The following PCDHGA5 variants were observed in gnomAD, a reference collection of about 807,000 sequenced individuals.
The protein encoded by PCDHGA5 is protocadherin gamma-A5.
A neutral mutation model predicts 56.7 loss-of-function variants in PCDHGA5; 36 were observed. The observed-to-expected ratio is 0.64, with a 90% CI of 0.49 to 0.84. The LOEUF (loss-of-function observed/expected upper bound fraction) is 0.84. Ranked by LOEUF, PCDHGA5 falls within the 40% of genes least tolerant of loss-of-function variation. The pLI is 0.00. For synonymous variants in PCDHGA5, 563 were observed against 520.2 expected (o/e 1.08, Z -1.12); for missense variants, 1,305 against 1,201.5 (o/e 1.09, Z -1.27).
rs745778398 is a variant in PCDHGA5, at chr5:141,389,350, T to A, written c.2421+22599T>A. The A allele has an allele frequency of 1.6e-5, 26 of 1,613,964 alleles. No individual in the cohort carries two copies. Among genetic ancestry groups the A allele is most frequent in the Non-Finnish European group, 2.2e-5 (26 of 1,179,910 alleles). Reference sequence around the variant, plus strand: ...CCCAACGGCCAAGTCTCTTACTGCATCATGGCCAGTGACCTGGAGCAGCGG... The same window carrying A: ...CCCAACGGCCAAGTCTCTTACTGCAACATGGCCAGTGACCTGGAGCAGCGG... On this transcript the variant is annotated intron_variant, in intron 1 of 3. Coordinates refer to ENST00000518069, the MANE Select transcript of PCDHGA5 (RefSeq NM_018918.3).
intron 1 of PCDHGA5, chr5:141,393,292 C>T: frequency 6.2e-7 from 1 of 1,613,946 alleles, no homozygotes; most frequent in Non-Finnish European, 8.5e-7. Context: ...GCTGTTGACC[C>T]GGATGTGGGC....
chr5:141,374,678 A>G (rs753625335), intron 1 of PCDHGA5: 1 of 1,610,496 alleles, frequency 6.2e-7, no homozygotes, highest in African/African-American at 1.3e-5. Context: ...GCTGGAGGGC[A>G]CACTGGACCG....
At chr5:141,404,492 C>T (rs770295078) in intron 1 of PCDHGA5, 1 of 1,613,668 alleles carries the variant, frequency 6.2e-7, no homozygotes, top group African/African-American at 1.3e-5. Context: ...CACTGGTGTG[C>T]TGTATGCTCT....
Position 141,486,320 on chromosome 5 carries a change from G to A in PCDHGA5, c.2422-8487G>A, listed in dbSNP as rs764851576. The stretch of plus-strand genomic sequence containing the variant: ...GCAGGATCCAGACTCAGGGTCAAAC[G>A]GAGATGTGAGCCTCCGCATTCCTGA... On this transcript the variant is annotated intron_variant, in intron 1 of 3. Coordinates refer to ENST00000518069, the MANE Select transcript of PCDHGA5 (RefSeq NM_018918.3). This position sits in a 1 kb window ranked among gnomAD's most constrained non-coding sequence, Gnocchi z 5.0. The A allele has an allele frequency of 6.2e-7, 1 of 1,614,010 alleles. No individual in the cohort carries two copies. Among genetic ancestry groups the A allele is most frequent in the South Asian group, 1.1e-5 (1 of 91,060 alleles).
At position 141,489,318 on chromosome 5, in the gene PCDHGA5, G is replaced by T; in HGVS notation, c.2422-5489G>T. On this transcript the variant is annotated intron_variant, in intron 1 of 3. Coordinates refer to ENST00000518069, the MANE Select transcript of PCDHGA5 (RefSeq NM_018918.3). The surrounding 1 kb of genome is among the most constrained non-coding windows in gnomAD (Gnocchi z 4.5). ...TGTTGTCCTTGTGCTGCTGGGGCTG[G>T]GTGTCTGGGCAGCTTCGTTACTCAG... The T allele has an allele frequency of 6.3e-7, 1 of 1,599,092 alleles. No homozygotes were observed. Among genetic ancestry groups the T allele is most frequent in the Non-Finnish European group, 8.5e-7 (1 of 1,171,660 alleles).
chr5:141,502,242 CT>C (rs989546500), intron 2 of PCDHGA5, among the ~76,000 whole-genome samples: 27 of 151,950 alleles, frequency 1.8e-4, no homozygotes, highest in African/African-American at 6.3e-4. Context: ...TTCTTTTATC[CT>C]TTTTTTTAAT....
At chr5:141,437,312 G>T (rs2097875410) in intron 1 of PCDHGA5, among the ~76,000 whole-genome samples, 1 of 152,176 alleles carries the variant, frequency 6.6e-6, no homozygotes, top group South Asian at 2.1e-4. Context: ...AAAGCGTTCA[G>T]CTATAATTTA....
intron 1 of PCDHGA5, chr5:141,385,151 A>T: frequency 6.2e-7 from 1 of 1,614,224 alleles, no homozygotes; most frequent in Non-Finnish European, 8.5e-7. Context: ...GCTTTCCTGC[A>T]GACCTATTCC....
At chr5:141,376,357 A>C (rs769629850) in intron 1 of PCDHGA5, 24 of 1,613,894 alleles carry the variant, frequency 1.5e-5, no homozygotes, top group Admixed American at 1.0e-4. Context: ...ACGAGGTCTC[A>C]CTCACTGCAG....
intron 1 of PCDHGA5, 49 bp downstream of exon 1, chr5:141,366,800 C>G (rs1243230147): frequency 1.3e-6 from 2 of 1,565,118 alleles, no homozygotes; most frequent in African/African-American, 2.7e-5. Flanking sequence ...TCATTTGTTT[C>G]CTTTTTCATG....
chr5:141,414,236 C>T, intron 1 of PCDHGA5: 1 of 1,613,456 alleles, frequency 6.2e-7, no homozygotes. Flanking sequence ...CTGACCATCA[C>T]GTCTCTATTT....
At chr5:141,430,936 C>T (rs2097327732) in intron 1 of PCDHGA5, 4 of 1,606,984 alleles carry the variant, frequency 2.5e-6, no homozygotes, top group Admixed American at 3.4e-5. Flanking sequence ...CCCGGGAGCT[C>T]GCGGAGCGCG....
intron 3 of PCDHGA5, among the ~76,000 whole-genome samples, chr5:141,510,208 G>A (rs560746333): frequency 2.0e-5 from 3 of 151,866 alleles, no homozygotes; most frequent in Admixed American, 1.3e-4. Context: ...AGGAGGCAGA[G>A]GTTGCAGTGA....
chr5:141,504,728 G>A (rs978910481), intron 2 of PCDHGA5, among the ~76,000 whole-genome samples: 5 of 151,522 alleles, frequency 3.3e-5, no homozygotes, highest in African/African-American at 9.7e-5. Context: ...TACTCTGAGG[G>A]CTTAGGAAGC....
chr5:141,404,047 A>G, intron 1 of PCDHGA5: 1 of 1,613,860 alleles, frequency 6.2e-7, no homozygotes, highest in Non-Finnish European at 8.5e-7. Context: ...AGGGAACAGT[A>G]ATTCTTCTTT....
At chr5:141,425,719 A>G (rs2096890303) in intron 1 of PCDHGA5, among the ~76,000 whole-genome samples, 1 of 152,200 alleles carries the variant, frequency 6.6e-6, no homozygotes. Context: ...TTCCCATACC[A>G]CTTGATGGGG....
In PCDHGA5 at chr5:141,489,362, C is replaced by T. The variant is rs1562129544; in HGVS notation, c.2422-5445C>T. 8 of 1,613,052 alleles carry T rather than the reference C, an allele frequency of 5.0e-6. No individual in the cohort carries two copies. Among genetic ancestry groups the T allele is most frequent in the South Asian group, 2.2e-5 (2 of 90,970 alleles). On this transcript the variant is annotated intron_variant, in intron 1 of 3. Coordinates refer to ENST00000518069, the MANE Select transcript of PCDHGA5 (RefSeq NM_018918.3). The surrounding 1 kb of genome is among the most constrained non-coding windows in gnomAD (Gnocchi z 4.5). ...TACTCAGTGGTGGAGGAGTCTGAGC[C>T]GGGGACGCTGGTGGGGAATGTTGCT...
chr5:141,450,556 G>A lies in PCDHGA5; in HGVS notation c.2422-44251G>A, dbSNP rs534127421. Among the ~76,000 whole-genome samples, 5 of 151,822 alleles carry A rather than the reference G, an allele frequency of 3.3e-5. 1 individual carries two copies. Among genetic ancestry groups the A allele is most frequent in the South Asian group, 2.1e-4 (1 of 4,804 alleles). On this transcript the variant is annotated intron_variant, in intron 1 of 3. Transcript: ENST00000518069. ...GGCTGGAATGCAGTGGCGCAGTCTCGGCTCACTGCAACTTCTGCCTCCCAG... is the reference window on the plus strand; with the variant it reads ...GGCTGGAATGCAGTGGCGCAGTCTCAGCTCACTGCAACTTCTGCCTCCCAG...
chr5:141,383,612 A>C (rs1387363746), intron 1 of PCDHGA5: 1 of 1,613,690 alleles, frequency 6.2e-7, no homozygotes, highest in East Asian at 2.2e-5. Flanking sequence ...GTGAATGACC[A>C]CACGCCTGTC....
Sources: gnomAD v4.1 joint callset for allele counts (sites outside exome capture counted in the v4.1 genomes callset) on GRCh38, gnomAD v4.1.1 for gene constraint, Gnocchi (gnomAD v3.1) non-coding constraint, MANE v1.5 for transcripts, NCBI Gene and HGNC (gene_info 2026-07-23, HGNC 2026-07-21) for gene names.